SARM1: variants seen among roughly 807,000 people sequenced by gnomAD.
The protein encoded by SARM1 is NAD(+) hydrolase SARM1.
Under a neutral mutation model 65.1 loss-of-function variants are expected in SARM1, and 60 were observed. The observed-to-expected ratio is 0.92, with a 90% confidence interval of 0.75 to 1.14. SARM1 has a LOEUF of 1.14. SARM1 is among the 50% of genes most tolerant of loss of function. The pLI is 0.00. For missense variants in SARM1, 913 were observed against 1,015.7 expected, an observed-to-expected ratio of 0.90 and a Z score of 1.37; for synonymous variants, 417 against 465.4, an observed-to-expected ratio of 0.90 and a Z score of 1.34.
Position 28,384,911 on chromosome 17 carries a change from T to A in SARM1, c.1375T>A (p.Ser459Thr). ...EELQTDLGMK[S>T]GITRKRFFRE... ...ACTCCAGACCGACCTGGGCATGAAA[T>A]CGGGCATCACCCGCAAGAGGTACGG... The change falls in exon 4 of 9, where the codon TCG becomes ACG. Residue 459 changes from serine (S) to threonine (T), a missense_variant. By Grantham distance (58) the Ser-to-Thr change is moderately conservative (BLOSUM62 1). Transcript: ENST00000585482. The surrounding 1 kb of genome is among the most constrained non-coding windows in gnomAD (Gnocchi z 4.4). 6.4e-7 allele frequency: 1 copy of A among 1,566,022 alleles called. No individual in the cohort carries two copies. Among genetic ancestry groups the A allele is most frequent in the Non-Finnish European group, 8.7e-7 (1 of 1,155,572 alleles).
Position 28,385,429 on chromosome 17 carries a change from A to T in SARM1, c.1630+154A>T, listed in dbSNP as rs1453636540. On this transcript the variant is annotated intron_variant, in intron 5 of 8. Coordinates refer to ENST00000585482, the MANE Select transcript of SARM1 (RefSeq NM_015077.4). This position sits in a 1 kb window ranked among gnomAD's most constrained non-coding sequence, Gnocchi z 4.5. The stretch of plus-strand genomic sequence containing the variant: ...CTGGGCTCTGAGGATGTAAAGATGA[A>T]TACGTTGCACTTTACCTCAAGAAGT... 9.5e-6 allele frequency: 6 copies of T among 630,194 alleles called. No individual in the cohort carries two copies. In the African/African-American group the frequency reaches 1.1e-4, roughly 12 times the overall value. 39.0% of individuals were successfully genotyped at this position (630,194 alleles called of 1,614,324 possible).
At position 28,385,284 on chromosome 17, in the gene SARM1, G is replaced by T. The variant is rs936904505; in HGVS notation, c.1630+9G>T. 2.0e-6 allele frequency: 3 copies of T among 1,516,300 alleles called. No homozygotes were observed. Among genetic ancestry groups the T allele is most frequent in the South Asian group, 1.2e-5 (1 of 80,914 alleles). The allele number at this position is 1,516,300 out of a possible 1,614,324, so 93.9% of individuals were successfully genotyped here. On this transcript the variant is annotated intron_variant, in intron 5 of 8. Coordinates refer to ENST00000585482, the MANE Select transcript of SARM1 (RefSeq NM_015077.4). This position sits in a 1 kb window ranked among gnomAD's most constrained non-coding sequence, Gnocchi z 4.5. ...CCTCACGGCGGCCAGAGGTCAGCCCGCTCACCCGGGACCCCGCCCCAGCCC... is the reference window on the plus strand; with the variant it reads ...CCTCACGGCGGCCAGAGGTCAGCCCTCTCACCCGGGACCCCGCCCCAGCCC...
At chr17:28,394,420 T>C (rs1555587341) in intron 7 of SARM1, among the ~76,000 whole-genome samples, 1 of 152,214 alleles carries the variant, frequency 6.6e-6, no homozygotes, top group African/African-American at 2.4e-5. Flanking sequence ...ATGTTTTTCT[T>C]CTGACACCAA....
Position 28,392,297 on chromosome 17 carries a change from T to G in SARM1, c.1924-3608T>G, listed in dbSNP as rs2068084813. Reference sequence around the variant, plus strand: ...CAGCTAATTTATATATATATATTTTTAGTAGAGACGGGGTTTCACCATCTT... The same window carrying G: ...CAGCTAATTTATATATATATATTTTGAGTAGAGACGGGGTTTCACCATCTT... On this transcript the variant is annotated intron_variant, in intron 7 of 8. Transcript: ENST00000585482. Among the ~76,000 whole-genome samples, 2 of 151,794 alleles carry G rather than the reference T, an allele frequency of 1.3e-5. 1 individual carries two copies. The highest frequency in any genetic ancestry group is 4.8e-5 in the African/African-American group (2 of 41,308).
chr17:28,398,842 C>T lies in SARM1; in HGVS notation c.*2556C>T, dbSNP rs782613700. The T allele has an allele frequency of 2.6e-5, 4 of 152,226 alleles. No homozygotes were observed. Among genetic ancestry groups the T allele is most frequent in the Non-Finnish European group, 2.9e-5 (2 of 68,066 alleles). The allele number at this position is 152,226 out of a possible 1,614,324, so 9.4% of individuals were successfully genotyped here. On this transcript the variant is annotated 3_prime_UTR_variant, in exon 9 of 9. Coordinates refer to ENST00000585482, the MANE Select transcript of SARM1 (RefSeq NM_015077.4). ...CAATTTGGGGCATTGCTGATCTAGC[C>T]GTTCCTAGTGGGGCTTGCTCAAGGT...
chr17:28,377,953 C>T (rs1555584787), intron 1 of SARM1, among the ~76,000 whole-genome samples: 1 of 152,220 alleles, frequency 6.6e-6, no homozygotes, highest in Non-Finnish European at 1.5e-5. Flanking sequence ...CTGCCTCAGC[C>T]TCCCAAAGTG....
intron 1 of SARM1, 129 bp from the exon 2 acceptor site, chr17:28,381,074 G>A (rs1330148609): frequency 9.4e-7 from 1 of 1,061,440 alleles, no homozygotes; most frequent in African/African-American, 1.6e-5. Flanking sequence ...GGGGAGCAGG[G>A]AGGGGAATGC....
At position 28,400,595 on chromosome 17, in the gene SARM1, A is replaced by G; in HGVS notation, c.*4309A>G. On this transcript the variant is annotated 3_prime_UTR_variant, in exon 9 of 9. Coordinates refer to ENST00000585482, the MANE Select transcript of SARM1 (RefSeq NM_015077.4). Reference sequence around the variant, plus strand: ...AGGGCTCCATTATGAGCATGGGTTCAGGGCCCTGCATTACCCAATCAGAAC... The same window carrying G: ...AGGGCTCCATTATGAGCATGGGTTCGGGGCCCTGCATTACCCAATCAGAAC... The G allele has an allele frequency of 1.2e-6, 2 of 1,613,502 alleles. No homozygotes were observed. Among genetic ancestry groups the G allele is most frequent in the East Asian group, 2.2e-5 (1 of 44,870 alleles).
In SARM1 at chr17:28,372,356, G is replaced by T; in HGVS notation, c.324G>T (p.Val108=). 1 of 1,504,068 alleles carries T rather than the reference G, an allele frequency of 6.6e-7. No individual in the cohort carries two copies. The highest frequency in any genetic ancestry group is 8.8e-7 in the Non-Finnish European group (1 of 1,132,442). The allele number at this position is 1,504,068 out of a possible 1,614,324, so 93.2% of individuals were successfully genotyped here. A position where few individuals can be genotyped will look rare whatever the true frequency, so the allele number is the denominator to read the frequency against. ...AGGAGGCCTGGCTGCTGCCGGCCGT[G>T]GGCCGCGAGGTAGCCCAGGGTCTGT... ...LVEEAWLLPA[V]GREVAQGLCD... is the part of the protein sequence containing the mutation. Residue 108 remains valine (V), a synonymous_variant, in exon 1 of 9, where the codon GTG becomes GTT. Coordinates refer to ENST00000585482, the MANE Select transcript of SARM1 (RefSeq NM_015077.4). This position sits in a 1 kb window ranked among gnomAD's most constrained non-coding sequence, Gnocchi z 5.2.
rs781842770 is a variant in SARM1, at chr17:28,381,362, G to A, written c.630G>A (p.Ala210=). The A allele has an allele frequency of 8.3e-6, 13 of 1,575,006 alleles. No individual in the cohort carries two copies. Among genetic ancestry groups the A allele is most frequent in the Non-Finnish European group, 1.1e-5 (13 of 1,161,566 alleles). Residue 210 remains alanine (A), a synonymous_variant, in exon 2 of 9, where the codon GCG becomes GCA. Transcript: ENST00000585482. ...TGGTGGCGGCCGGCGGCCTGGACGC[G>A]GTGCTGTATTGGTGCCGCCGCACGG... is the stretch of plus-strand genomic sequence containing the variant. The part of the protein sequence containing the change: ...QRLVAAGGLD[A]VLYWCRRTDP...
rs2068044967 is a variant in SARM1, at chr17:28,385,242, G to T, written c.1597G>T (p.Val533Leu). 3.2e-6 allele frequency: 5 copies of T among 1,578,838 alleles called. No individual in the cohort carries two copies. The South Asian group carries it at 5.7e-5, about 18-fold the overall frequency. The change falls in exon 5 of 9, where the codon GTG (valine) becomes TTG (leucine). Residue 533 changes from valine to leucine, a missense_variant. By Grantham distance (32) the Val-to-Leu change is conservative (BLOSUM62 1). Coordinates refer to ENST00000585482, the MANE Select transcript of SARM1 (RefSeq NM_015077.4). The surrounding 1 kb of genome is among the most constrained non-coding windows in gnomAD (Gnocchi z 4.5). ...GGAAGACTGCGGCATCCACCTGGGC[G>T]TGCACCGCGCCCGCATCCTCACGGC... is the stretch of plus-strand genomic sequence containing the variant. ...LLEDCGIHLG[V>L]HRARILTAAR...
rs926367118 is a variant in SARM1 at position 28,372,206 on chromosome 17, C to T, written c.174C>T (p.Gly58=). The T allele has an allele frequency of 2.4e-5, 33 of 1,376,212 alleles. No homozygotes were observed. The East Asian group carries it at 3.4e-4, about 14-fold the overall frequency. The allele number at this position is 1,376,212 out of a possible 1,614,324, so 85.3% of individuals were successfully genotyped here. A position where few individuals can be genotyped will look rare whatever the true frequency, so the allele number is the denominator to read the frequency against. The change falls in exon 1 of 9, where the codon GGC becomes GGT. Residue 58 remains glycine (G), a synonymous_variant. Transcript: ENST00000585482. This position sits in a 1 kb window ranked among gnomAD's most constrained non-coding sequence, Gnocchi z 5.2. The part of the protein sequence containing the change: ...RGPREVSPGA[G]TEVQDALERA... ...CCCGCGAAGTGTCGCCGGGGGCAGG[C>T]ACCGAGGTGCAGGACGCCCTGGAGC...
In SARM1 at chr17:28,384,264, G is replaced by C; in HGVS notation, c.1090-93G>C. On this transcript the variant is annotated intron_variant, in intron 2 of 8. Transcript: ENST00000585482. The surrounding 1 kb of genome is among the most constrained non-coding windows in gnomAD (Gnocchi z 4.4). ...GCCAGGGCAGATGGAGAGACTTTGG[G>C]TTGTGAGAAGAGACAAGGAGAGGGA... 9.4e-7 allele frequency: 1 copy of C among 1,069,104 alleles called. No individual in the cohort carries two copies. Among genetic ancestry groups the C allele is most frequent in the Non-Finnish European group, 1.3e-6 (1 of 744,538 alleles). The allele number at this position is 1,069,104 out of a possible 1,614,324, so 66.2% of individuals were successfully genotyped here. A position where few individuals can be genotyped will look rare whatever the true frequency, so the allele number is the denominator to read the frequency against.
At position 28,385,061 on chromosome 17, in the gene SARM1, G is replaced by A; in HGVS notation, c.1416G>A (p.Glu472=). The change falls in exon 5 of 9, where the codon GAG becomes GAA. Residue 472 remains glutamate (E), a synonymous_variant. Transcript: ENST00000585482. The surrounding 1 kb of genome is among the most constrained non-coding windows in gnomAD (Gnocchi z 4.5). ...GCAGGTTCTTTAGGGAGCTCACGGA[G>A]CTCAAGACCTTCGCCAACTATTCTA... ...TRKRFFRELT[E]LKTFANYSTC... is the part of the protein sequence containing the mutation. 1 of 1,613,836 alleles carries A rather than the reference G, an allele frequency of 6.2e-7. No individual in the cohort carries two copies. The highest frequency in any genetic ancestry group is 8.5e-7 in the Non-Finnish European group (1 of 1,179,824).
rs1394668793 is a variant in SARM1, at chr17:28,400,363, G to A, written c.*4077G>A. 3.0e-5 allele frequency: 15 copies of A among 505,920 alleles called. No individual in the cohort carries two copies. The highest frequency in any genetic ancestry group is 5.0e-5 in the Non-Finnish European group (14 of 280,136). The allele number at this position is 505,920 out of a possible 1,614,324, so 31.3% of individuals were successfully genotyped here. A position where few individuals can be genotyped will look rare whatever the true frequency, so the allele number is the denominator to read the frequency against. ...GGAGGGAAATAGGGGAACTGGGAGA[G>A]AGAACACAGCCTTGCCAAGCAGCAA... On this transcript the variant is annotated 3_prime_UTR_variant, in exon 9 of 9. Coordinates refer to ENST00000585482, the MANE Select transcript of SARM1 (RefSeq NM_015077.4).
At chr17:28,388,880 C>T (rs1350961908) in intron 7 of SARM1, among the ~76,000 whole-genome samples, 1 of 151,588 alleles carries the variant, frequency 6.6e-6, no homozygotes, top group East Asian at 1.9e-4. Flanking sequence ...ACACCATTCT[C>T]CTCCCTCAGC....
Position 28,399,484 on chromosome 17 carries a change from CA to C in SARM1, c.*3199del. 4.7e-6 allele frequency: 3 copies of C among 639,648 alleles called. No homozygotes were observed. 39.6% of individuals were successfully genotyped at this position (639,648 alleles called of 1,614,324 possible). On this transcript the variant is annotated 3_prime_UTR_variant, in exon 9 of 9. Transcript: ENST00000585482. ...TCTAGATCCTAGACAGAGGCTGGGT[CA>C]GCTGTGGATGGGGTGGTGCCTTGGT... is the stretch of plus-strand genomic sequence containing the variant.
At chr17:28,389,967 A>G (rs2068072239) in intron 7 of SARM1, among the ~76,000 whole-genome samples, 1 of 152,202 alleles carries the variant, frequency 6.6e-6, no homozygotes, top group Non-Finnish European at 1.5e-5. Context: ...AGAGAGCATC[A>G]AGGTGTCAAC....
Position 28,372,223 on chromosome 17 carries a change from C to T in SARM1, c.191C>T (p.Ala64Val). The T allele has an allele frequency of 7.2e-7, 1 of 1,386,000 alleles. No individual in the cohort carries two copies. 85.9% of individuals were successfully genotyped at this position (1,386,000 alleles called of 1,614,324 possible). Reference protein sequence around the residue: ...SPGAGTEVQDALERALPELQQ... With the variant: ...SPGAGTEVQDVLERALPELQQ... ...GGGGCAGGCACCGAGGTGCAGGACG[C>T]CCTGGAGCGCGCGCTGCCGGAGCTG... Residue 64 changes from alanine (A) to valine (V), a missense_variant, in exon 1 of 9, where the codon GCC becomes GTC. Ala to Val is a moderately conservative substitution (Grantham distance 64). Transcript: ENST00000585482. The surrounding 1 kb of genome is among the most constrained non-coding windows in gnomAD (Gnocchi z 5.2).
Sources: allele counts gnomAD v4.1 joint callset (sites outside exome capture counted in the v4.1 genomes callset), GRCh38; gene constraint gnomAD v4.1.1; non-coding constraint Gnocchi (gnomAD v3.1); transcripts MANE v1.5; gene names NCBI Gene and HGNC (gene_info 2026-07-23, HGNC 2026-07-21).